The following UGGT2 variants were observed in gnomAD, a reference collection of about 807,000 sequenced individuals.
UGGT2 encodes UDP-glucose glycoprotein glucosyltransferase 2.
A neutral mutation model predicts 192.1 loss-of-function variants in UGGT2; 180 were observed. The ratio of observed to expected loss-of-function variants is 0.94; its 90% CI spans 0.83 to 1.06. The LOEUF (loss-of-function observed/expected upper bound fraction) is 1.06. Ranked by LOEUF, UGGT2 falls within the 50% of genes least tolerant of loss-of-function variation. The pLI is 0.00. For missense variants in UGGT2, 1,849 were observed against 1,795.7 expected, an observed-to-expected ratio of 1.03 and a Z score of -0.54; for synonymous variants, 580 against 591.0, an observed-to-expected ratio of 0.98 and a Z score of 0.27.
intron 12 of UGGT2, among the ~76,000 whole-genome samples, chr13:95,964,001 T>A (rs773357411): frequency 2.6e-5 from 4 of 152,020 alleles, no homozygotes; most frequent in Non-Finnish European, 4.4e-5. Context: ...ATCCTAAAAT[T>A]CGTATGGAAC....
intron 12 of UGGT2, among the ~76,000 whole-genome samples, chr13:95,953,613 A>G (rs2050130925): frequency 6.6e-6 from 1 of 152,208 alleles, no homozygotes; most frequent in Non-Finnish European, 1.5e-5. Context: ...GCCCTTTTAA[A>G]AGAAGAAAAT....
intron 15 of UGGT2, among the ~76,000 whole-genome samples, chr13:95,943,724 C>T (rs1294683290): frequency 1.3e-5 from 2 of 151,916 alleles, no homozygotes; most frequent in African/African-American, 4.8e-5. Flanking sequence ...GTAGGCAAGT[C>T]TGGAATTTTA....
chr13:95,807,100 G>A (rs997979273), intron 38 of UGGT2, among the ~76,000 whole-genome samples: 3 of 152,112 alleles, frequency 2.0e-5, no homozygotes, highest in Non-Finnish European at 4.4e-5. Flanking sequence ...GGAAGCCTTA[G>A]AGATAACATA....
At chr13:95,948,993 CTCCT>C (rs1306337652) in intron 13 of UGGT2, among the ~76,000 whole-genome samples, 3 of 152,182 alleles carry the variant, frequency 2.0e-5, no homozygotes, top group Non-Finnish European at 4.4e-5. Flanking sequence ...GCTCATACTT[CTCCT>C]TCCTGCCACT....
chr13:96,018,885 G>C (rs1415063167), intron 4 of UGGT2, among the ~76,000 whole-genome samples: 1 of 150,846 alleles, frequency 6.6e-6, no homozygotes, highest in African/African-American at 2.4e-5. Flanking sequence ...AACCTAATCT[G>C]GAAAAACTGA....
At chr13:95,892,885 G>C (rs779222553) in intron 24 of UGGT2, among the ~76,000 whole-genome samples, 3 of 152,064 alleles carry the variant, frequency 2.0e-5, no homozygotes, top group Non-Finnish European at 2.9e-5. Flanking sequence ...AGCCTGCAAG[G>C]CTTCCTTCAA....
At chr13:95,836,917 GC>G (rs1332037788) in intron 37 of UGGT2, among the ~76,000 whole-genome samples, 168 bp downstream of exon 37, 2 of 152,142 alleles carry the variant, frequency 1.3e-5, no homozygotes, top group East Asian at 1.9e-4. Flanking sequence ...GGTCTTGGGG[GC>G]CCCCAAAATA....
At chr13:95,973,712 T>C (rs575668363) in intron 10 of UGGT2, among the ~76,000 whole-genome samples, 4 of 152,166 alleles carry the variant, frequency 2.6e-5, no homozygotes, top group Non-Finnish European at 5.9e-5. Context: ...TCCAGTACGG[T>C]TGTCAAGATC....
At chr13:95,988,586 C>A (rs956761536) in intron 8 of UGGT2, among the ~76,000 whole-genome samples, 4 of 152,050 alleles carry the variant, frequency 2.6e-5, no homozygotes, top group African/African-American at 9.7e-5. Context: ...GTAAATCTAT[C>A]ATAACAATGG....
intron 4 of UGGT2, 61 bp from the exon 5 acceptor site, chr13:96,013,542 T>G (rs1047673516): frequency 9.3e-6 from 11 of 1,185,640 alleles, no homozygotes; most frequent in Non-Finnish European, 1.2e-5. Context: ...ATATCAATTC[T>G]GTATAATTAC....
chr13:95,902,646 T>A (rs1432175491), intron 21 of UGGT2, among the ~76,000 whole-genome samples: 4 of 152,042 alleles, frequency 2.6e-5, no homozygotes, highest in Non-Finnish European at 5.9e-5. Context: ...CATGAAGTAG[T>A]TAATGAAACA....
At chr13:95,871,260 G>A (rs190466247) in intron 29 of UGGT2, among the ~76,000 whole-genome samples, 19 of 152,282 alleles carry the variant, frequency 1.2e-4, no homozygotes, top group South Asian at 2.1e-4. Context: ...ACCAGACACC[G>A]AAGTGAGTAT....
At chr13:95,826,503 T>C (rs1378896507) in intron 38 of UGGT2, among the ~76,000 whole-genome samples, 1 of 152,002 alleles carries the variant, frequency 6.6e-6, no homozygotes, top group Admixed American at 6.6e-5. Context: ...CTACAACCAA[T>C]ATAAAAATTC....
intron 29 of UGGT2, among the ~76,000 whole-genome samples, chr13:95,869,735 T>C (rs1311283784): frequency 6.6e-6 from 1 of 152,250 alleles, no homozygotes; most frequent in East Asian, 1.9e-4. Context: ...GCAGCTTAAA[T>C]GAAGGGAACA....
At chr13:95,971,170 T>C (rs531473383) in intron 11 of UGGT2, among the ~76,000 whole-genome samples, 7 of 152,246 alleles carry the variant, frequency 4.6e-5, no homozygotes, top group African/African-American at 9.6e-5. Flanking sequence ...TGAAAGGAGA[T>C]AGGAAGGGAG....
intron 30 of UGGT2, among the ~76,000 whole-genome samples, chr13:95,866,504 T>A (rs1044046089): frequency 1.3e-5 from 2 of 152,184 alleles, no homozygotes; most frequent in Non-Finnish European, 1.5e-5. Context: ...ATCCTATCCA[T>A]CTGGAAGAAT....
intron 10 of UGGT2, 95 bp downstream of exon 10, chr13:95,983,709 T>C (rs997597320): frequency 2.1e-6 from 2 of 958,328 alleles, no homozygotes; most frequent in Non-Finnish European, 1.6e-6. Context: ...AAAGCACAAA[T>C]TACTATTTCC....
intron 5 of UGGT2, among the ~76,000 whole-genome samples, chr13:96,001,069 G>A (rs1262610348): frequency 6.6e-6 from 1 of 152,164 alleles, no homozygotes; most frequent in East Asian, 1.9e-4. Context: ...TTTCACAGAA[G>A]CACACTTAAT....
chr13:95,836,387 G>C (rs1887291806), intron 37 of UGGT2, among the ~76,000 whole-genome samples: 1 of 152,156 alleles, frequency 6.6e-6, no homozygotes, highest in South Asian at 2.1e-4. Flanking sequence ...TTGCAGAAAA[G>C]AGTTAATACA....
Sources: allele counts gnomAD v4.1 joint callset (sites outside exome capture counted in the v4.1 genomes callset), GRCh38; gene constraint gnomAD v4.1.1; transcripts MANE v1.5; gene names NCBI Gene and HGNC (gene_info 2026-07-23, HGNC 2026-07-21).